SLC35F1: variants seen among roughly 807,000 people sequenced by gnomAD.
SLC35F1 encodes the protein solute carrier family 35 member F1, also known as chromosome 6 open reading frame 169.
In SLC35F1, 14 loss-of-function variants were observed where a neutral mutation model predicts 48.7. The observed-to-expected ratio is 0.29, with a 90% CI of 0.19 to 0.45. The LOEUF (loss-of-function observed/expected upper bound fraction) is 0.45. Among genes scored for constraint, SLC35F1 ranks in the 20% least tolerant of loss-of-function variants. The pLI, the probability that SLC35F1 is intolerant of heterozygous loss-of-function variation, is 1.00. For missense variants in SLC35F1, 404 were observed against 500.0 expected, an observed-to-expected ratio of 0.81 and a Z score of 1.83; for synonymous variants, 190 against 202.2, an observed-to-expected ratio of 0.94 and a Z score of 0.51.
At chr6:118,172,037 C>T (rs1164939172) in intron 2 of SLC35F1, among the ~76,000 whole-genome samples, 1 of 151,900 alleles carries the variant, frequency 6.6e-6, no homozygotes, top group Non-Finnish European at 1.5e-5. Context: ...CCAAGCCTGG[C>T]TTTCTTTATT....
At chr6:118,297,214 A>C (rs965816487) in intron 7 of SLC35F1, among the ~76,000 whole-genome samples, 2 of 152,208 alleles carry the variant, frequency 1.3e-5, no homozygotes, top group African/African-American at 4.8e-5. Context: ...TAACTTCTGT[A>C]AATATAACCC....
chr6:118,212,775 G>GAAGGAAGGAAAGAGAGAGAGA (rs1775021928), intron 2 of SLC35F1, among the ~76,000 whole-genome samples: 2 of 148,938 alleles, frequency 1.3e-5, no homozygotes, highest in East Asian at 2.0e-4. Context: ...AGGAAGGAAG[G>GAAGGAAGGAAAGAGAGAGAGA]AAGGAAGGAA....
At chr6:118,139,002 G>A (rs1773841640) in intron 1 of SLC35F1, among the ~76,000 whole-genome samples, 1 of 147,886 alleles carries the variant, frequency 6.8e-6, no homozygotes, top group Admixed American at 6.7e-5. Context: ...ACACTCAAAT[G>A]GATCAATCAA....
At chr6:118,288,784 T>C (rs899996941) in intron 7 of SLC35F1, among the ~76,000 whole-genome samples, 27 of 151,980 alleles carry the variant, frequency 1.8e-4, no homozygotes, top group African/African-American at 6.3e-4. Flanking sequence ...AGAGGGAGGG[T>C]CCATTCAGAT....
At chr6:118,295,553 G>A (rs1014747765) in intron 7 of SLC35F1, among the ~76,000 whole-genome samples, 1 of 152,162 alleles carries the variant, frequency 6.6e-6, no homozygotes, top group African/African-American at 2.4e-5. Context: ...TTGATCCTCT[G>A]TGTCAGTGAG....
At chr6:118,001,331 C>G (rs1215897340) in intron 1 of SLC35F1, among the ~76,000 whole-genome samples, 2 of 152,074 alleles carry the variant, frequency 1.3e-5, no homozygotes, top group African/African-American at 2.4e-5. Flanking sequence ...ACAAACCTGA[C>G]AAAAACAAGC....
Position 118,142,351 on chromosome 6 carries a change from A to C in SLC35F1, c.174-12094A>C, listed in dbSNP as rs116287518. ...TATGGTAAAATAGTTACTAGAATGGAACAGATTAACATATCAAGTCTTTAA... is the reference window on the plus strand; with the variant it reads ...TATGGTAAAATAGTTACTAGAATGGCACAGATTAACATATCAAGTCTTTAA... On this transcript the variant is annotated intron_variant, in intron 1 of 7. Transcript: ENST00000360388. Among the ~76,000 whole-genome samples, 427 of 152,304 alleles carry C rather than the reference A, an allele frequency of 2.8e-3. 2 individuals carry two copies. Among genetic ancestry groups the C allele is most frequent in the African/African-American group, 9.8e-3 (408 of 41,566 alleles).
intron 7 of SLC35F1, among the ~76,000 whole-genome samples, chr6:118,292,097 G>A (rs1439548684): frequency 6.6e-6 from 1 of 152,126 alleles, no homozygotes; most frequent in African/African-American, 2.4e-5. Context: ...CAGCCTGGGA[G>A]ACAGAGTGAG....
intron 2 of SLC35F1, among the ~76,000 whole-genome samples, chr6:118,193,674 A>G (rs1358629010): frequency 6.6e-6 from 1 of 152,176 alleles, no homozygotes; most frequent in African/African-American, 2.4e-5. Context: ...TTTTGGTGAA[A>G]AACCTGGTAA....
chr6:117,970,633 G>T (rs937372647), intron 1 of SLC35F1, among the ~76,000 whole-genome samples: 5 of 152,152 alleles, frequency 3.3e-5, no homozygotes, highest in Non-Finnish European at 4.4e-5. Flanking sequence ...AGGTTTAATG[G>T]ACTCACAGTT....
intron 2 of SLC35F1, among the ~76,000 whole-genome samples, chr6:118,159,257 G>C (rs928566158): frequency 9.5e-5 from 13 of 137,196 alleles, no homozygotes; most frequent in African/African-American, 3.5e-4. Context: ...AGTGCTTACT[G>C]TTCATAACAA....
At chr6:118,274,881 G>A (rs907616016) in intron 4 of SLC35F1, among the ~76,000 whole-genome samples, 7 of 152,102 alleles carry the variant, frequency 4.6e-5, no homozygotes, top group African/African-American at 9.7e-5. Flanking sequence ...CAATCTTGAC[G>A]GCTTCTGTTA....
chr6:118,208,729 G>T (rs1371869411), intron 2 of SLC35F1, among the ~76,000 whole-genome samples: 1 of 151,940 alleles, frequency 6.6e-6, no homozygotes, highest in Non-Finnish European at 1.5e-5. Context: ...TGTCATCTTT[G>T]AAGCCTTTAT....
At chr6:118,055,026 C>G (rs987917913) in intron 1 of SLC35F1, among the ~76,000 whole-genome samples, 3 of 152,146 alleles carry the variant, frequency 2.0e-5, no homozygotes, top group African/African-American at 7.2e-5. Context: ...CCGCCTGCCT[C>G]GGCCTCCCAT....
intron 4 of SLC35F1, among the ~76,000 whole-genome samples, chr6:118,272,768 T>TAC (rs1312048813): frequency 7.1e-6 from 1 of 139,862 alleles, no homozygotes; most frequent in Non-Finnish European, 1.5e-5. Flanking sequence ...TATATATGTA[T>TAC]ATATATATAC....
chr6:118,223,273 A>G (rs749813236), intron 2 of SLC35F1, among the ~76,000 whole-genome samples: 9 of 152,218 alleles, frequency 5.9e-5, no homozygotes, highest in African/African-American at 1.9e-4. Flanking sequence ...TCCACATCCA[A>G]TTTCATGATC....
At chr6:118,206,400 T>G (rs1488699265) in intron 2 of SLC35F1, among the ~76,000 whole-genome samples, 1 of 152,154 alleles carries the variant, frequency 6.6e-6, no homozygotes, top group Non-Finnish European at 1.5e-5. Context: ...TAACCTTACT[T>G]CTTACTCTCA....
intron 1 of SLC35F1, among the ~76,000 whole-genome samples, chr6:117,922,700 CA>C (rs1315022049): frequency 6.6e-6 from 1 of 152,172 alleles, no homozygotes; most frequent in Non-Finnish European, 1.5e-5. Context: ...GACATTAGGA[CA>C]GGTCTGATTG....
intron 1 of SLC35F1, among the ~76,000 whole-genome samples, chr6:118,146,763 G>A (rs1436748505): frequency 6.6e-6 from 1 of 152,094 alleles, no homozygotes; most frequent in Non-Finnish European, 1.5e-5. Flanking sequence ...GCTACTGACT[G>A]ATTTGTTTCT....
Sources: gnomAD v4.1 joint callset for allele counts (sites outside exome capture counted in the v4.1 genomes callset) on GRCh38, gnomAD v4.1.1 for gene constraint, MANE v1.5 for transcripts, NCBI Gene and HGNC (gene_info 2026-07-23, HGNC 2026-07-21) for gene names.